Variants in NEDD4L observed in about 807,000 individuals in gnomAD.
The protein encoded by NEDD4L is E3 ubiquitin-protein ligase NEDD4-like.
NEDD4L carries 54 observed loss-of-function variants against 148.9 expected under a neutral mutation model. The observed-to-expected ratio is 0.36, with a 90% CI of 0.29 to 0.45. The LOEUF (loss-of-function observed/expected upper bound fraction) is 0.45, where lower values mean the gene tolerates loss of function less well. NEDD4L is among the 20% of genes least tolerant of loss of function. NEDD4L has a pLI of 1.00. For synonymous variants in NEDD4L, 433 were observed against 440.7 expected, an observed-to-expected ratio of 0.98 and a Z score of 0.22; for missense variants, 856 against 1,233.8, an observed-to-expected ratio of 0.69 and a Z score of 4.59.
chr18:58,288,373 T>C (rs2054227218), intron 5 of NEDD4L, among the ~76,000 whole-genome samples: 1 of 152,232 alleles, frequency 6.6e-6, no homozygotes, highest in African/African-American at 2.4e-5. Flanking sequence ...AAATTTCTTG[T>C]TGTAAAATAA....
At chr18:58,071,068 G>C (rs1251308997) in intron 1 of NEDD4L, among the ~76,000 whole-genome samples, 1 of 152,066 alleles carries the variant, frequency 6.6e-6, no homozygotes, top group Non-Finnish European at 1.5e-5. Context: ...CTCGGTTTCT[G>C]CCTAGTTTCT....
At chr18:58,208,729 G>T (rs1217828224) in intron 2 of NEDD4L, among the ~76,000 whole-genome samples, 2 of 152,250 alleles carry the variant, frequency 1.3e-5, no homozygotes, top group South Asian at 2.1e-4. Context: ...TTTTTAAAAG[G>T]GTACATTTCT....
At chr18:58,218,557 A>C (rs1477584578) in intron 2 of NEDD4L, among the ~76,000 whole-genome samples, 3 of 152,132 alleles carry the variant, frequency 2.0e-5, no homozygotes, top group Non-Finnish European at 4.4e-5. Context: ...GGCTGTGGAA[A>C]GTTCTAGGGA....
At chr18:58,322,403 A>G in intron 6 of NEDD4L, 22 bp from the exon 7 acceptor site, 1 of 1,466,466 alleles carries the variant, frequency 6.8e-7, no homozygotes, top group Non-Finnish European at 9.4e-7. Flanking sequence ...TTAAAATTTA[A>G]TTTACTGTTT....
intron 2 of NEDD4L, among the ~76,000 whole-genome samples, chr18:58,191,768 G>A (rs1052724612): frequency 1.3e-5 from 2 of 152,160 alleles, no homozygotes; most frequent in African/African-American, 4.8e-5. Context: ...AGTGAGAGGC[G>A]AGCCCTGATC....
chr18:58,083,965 A>G (rs62096163), intron 1 of NEDD4L, among the ~76,000 whole-genome samples: 11,683 of 152,260 alleles, frequency 0.077, 605 homozygotes, highest in Non-Finnish European at 0.12. Flanking sequence ...TCCTGACCTC[A>G]GGTGATCCAC....
chr18:58,278,015 C>T (rs1029076639), intron 5 of NEDD4L, among the ~76,000 whole-genome samples: 6 of 152,076 alleles, frequency 3.9e-5, no homozygotes, highest in Non-Finnish European at 8.8e-5. Context: ...TCATTAAAAA[C>T]TCCTCAGAAA....
At chr18:58,255,397 G>A in intron 5 of NEDD4L, 1 of 715,050 alleles carries the variant, frequency 1.4e-6, no homozygotes, top group Non-Finnish European at 1.9e-6. Flanking sequence ...GCGGTCATGT[G>A]GTTCTGGCCA....
chr18:58,153,200 T>TA (rs1183831967), intron 1 of NEDD4L, among the ~76,000 whole-genome samples: 3 of 147,654 alleles, frequency 2.0e-5, no homozygotes, highest in Non-Finnish European at 4.4e-5. Flanking sequence ...TAATTTTTTT[T>TA]TAAAAAAATG....
At chr18:58,121,919 C>G (rs2029979116) in intron 1 of NEDD4L, among the ~76,000 whole-genome samples, 1 of 152,198 alleles carries the variant, frequency 6.6e-6, no homozygotes, top group Non-Finnish European at 1.5e-5. Flanking sequence ...AGACCTTTTT[C>G]TCTGCACACC....
At chr18:58,137,989 T>C (rs1420650786) in intron 1 of NEDD4L, among the ~76,000 whole-genome samples, 1 of 152,174 alleles carries the variant, frequency 6.6e-6, no homozygotes, top group Non-Finnish European at 1.5e-5. Flanking sequence ...CCTGAGGAAG[T>C]CTGGCCCAGA....
At position 58,329,080 on chromosome 18, in the gene NEDD4L, A is replaced by G. The variant is rs2059568719; in HGVS notation, c.766A>G (p.Ser256Gly). Residue 256 changes from serine to glycine, a missense_variant, in exon 10 of 31, where the codon AGC becomes GGC. By Grantham distance (56) the Ser-to-Gly change is moderately conservative. Coordinates refer to ENST00000400345, the MANE Select transcript of NEDD4L (RefSeq NM_001144967.3). ...GCGCTTCCGCTCCCGCAGGCACATC[A>G]GCGAAGACTTGGAGCCCGAGCCCTC... ...HRRFRSRRHI[S>G]EDLEPEPSEG... 2 of 1,614,032 alleles carry G rather than the reference A, an allele frequency of 1.2e-6. No homozygotes were observed. The highest frequency in any genetic ancestry group is 1.7e-6 in the Non-Finnish European group (2 of 1,179,888).
chr18:58,147,187 CT>C (rs1297911680), intron 1 of NEDD4L, among the ~76,000 whole-genome samples: 1 of 152,132 alleles, frequency 6.6e-6, no homozygotes, highest in African/African-American at 2.4e-5. Flanking sequence ...TAGAGAAAGG[CT>C]GTGAGAGTGC....
chr18:58,257,713 C>T (rs1417468652), intron 5 of NEDD4L, among the ~76,000 whole-genome samples: 9 of 152,190 alleles, frequency 5.9e-5, no homozygotes, highest in Non-Finnish European at 1.0e-4. Context: ...ATCGACCAGG[C>T]ATATGATGAC....
chr18:58,165,948 AG>A (rs2036797456), intron 2 of NEDD4L, 87 bp downstream of exon 2: 4 of 1,107,304 alleles, frequency 3.6e-6, no homozygotes, highest in Non-Finnish European at 5.3e-6. Context: ...AATCACCTGG[AG>A]GACTTCTTAA....
At chr18:58,102,411 T>C (rs1019005456) in intron 1 of NEDD4L, among the ~76,000 whole-genome samples, 2 of 152,230 alleles carry the variant, frequency 1.3e-5, no homozygotes, top group African/African-American at 4.8e-5. Flanking sequence ...GTGAACAAAA[T>C]TGACCCTGGA....
At chr18:58,129,144 G>A (rs1452912244) in intron 1 of NEDD4L, among the ~76,000 whole-genome samples, 1 of 152,236 alleles carries the variant, frequency 6.6e-6, no homozygotes, top group Non-Finnish European at 1.5e-5. Flanking sequence ...TGCTGATAGA[G>A]GAAGCCCTGA....
At chr18:58,064,632 A>ATGTGT (rs2082509857) in intron 1 of NEDD4L, among the ~76,000 whole-genome samples, 1 of 152,234 alleles carries the variant, frequency 6.6e-6, no homozygotes, top group African/African-American at 2.4e-5. Flanking sequence ...CTGGAGACAC[A>ATGTGT]GCAGAACTAC....
intron 5 of NEDD4L, among the ~76,000 whole-genome samples, chr18:58,278,544 A>G (rs1024505597): frequency 1.3e-5 from 2 of 152,178 alleles, no homozygotes; most frequent in Admixed American, 1.3e-4. Flanking sequence ...ACGGTCCTCC[A>G]TTACCAATCA....
Sources: allele counts gnomAD v4.1 joint callset (sites outside exome capture counted in the v4.1 genomes callset), GRCh38; gene constraint gnomAD v4.1.1; transcripts MANE v1.5; gene names NCBI Gene and HGNC (gene_info 2026-07-23, HGNC 2026-07-21).